The following TET3 variants were observed in gnomAD, a reference collection of about 807,000 sequenced individuals.
TET3 encodes the protein methylcytosine dioxygenase TET3.
A neutral mutation model predicts 141.4 loss-of-function variants in TET3; 19 were observed. That is an observed-to-expected ratio of 0.13 (90% CI 0.09 to 0.20). The LOEUF is 0.20. Ranked by LOEUF, TET3 falls within the 10% of genes least tolerant of loss-of-function variation. TET3 has a pLI of 1.00. For missense variants in TET3, 1,874 were observed against 2,356.9 expected, an observed-to-expected ratio of 0.80 and a Z score of 4.24; for synonymous variants, 1,043 against 980.9, an observed-to-expected ratio of 1.06 and a Z score of -1.18.
chr2:74,112,872 G>A (rs773121255), downstream of TET3, among the ~76,000 whole-genome samples: 14 of 151,760 alleles, frequency 9.2e-5, no homozygotes, highest in Non-Finnish European at 1.5e-4. Context: ...AAGGTGGTGC[G>A]TTCCTGTAAT....
intron 3 of TET3, among the ~76,000 whole-genome samples, chr2:74,020,606 T>G (rs1685983668): frequency 6.6e-6 from 1 of 152,230 alleles, no homozygotes; most frequent in South Asian, 2.1e-4. Context: ...CTCAGGTCCC[T>G]GCCCCCACTG....
chr2:74,043,947 G>A (rs1687478046), intron 3 of TET3, among the ~76,000 whole-genome samples: 1 of 152,082 alleles, frequency 6.6e-6, no homozygotes. Context: ...ATCATTTGAG[G>A]CCAGAAGTTA....
chr2:74,007,694 A>G (rs867703985), intron 3 of TET3, among the ~76,000 whole-genome samples: 25 of 152,268 alleles, frequency 1.6e-4, no homozygotes, highest in Middle Eastern at 3.4e-3. Flanking sequence ...GTCATTAGCC[A>G]TGGGGAGGTC....
At chr2:74,051,193 C>A (rs1342698874) in intron 4 of TET3, among the ~76,000 whole-genome samples, 1 of 152,192 alleles carries the variant, frequency 6.6e-6, no homozygotes, top group Non-Finnish European at 1.5e-5. Context: ...CTCTGTTCTC[C>A]TGCATTCCTC....
Position 74,058,480 on chromosome 2 carries a change from G to A in TET3, c.2494+10069G>A, listed in dbSNP as rs375238612. 3.8e-4 allele frequency among the ~76,000 whole-genome samples: 58 copies of A among 150,906 alleles called. No individual in the cohort carries two copies. The South Asian group carries it at 0.011, about 28-fold the overall frequency. The stretch of plus-strand genomic sequence containing the variant: ...GGGAAATTTGACAAATAACAATGCC[G>A]ATTAACTTATTAAATTTCAAGGGTG... On this transcript the variant is annotated intron_variant, in intron 4 of 11. Transcript: ENST00000409262.
intron 6 of TET3, among the ~76,000 whole-genome samples, chr2:74,081,442 TG>T (rs1689818600): frequency 1.3e-5 from 2 of 152,184 alleles, no homozygotes; most frequent in Admixed American, 6.5e-5. Flanking sequence ...TCATGGAGAC[TG>T]GGGTCGTTGA....
chr2:74,059,865 G>A (rs1403012613), intron 4 of TET3, among the ~76,000 whole-genome samples: 2 of 152,098 alleles, frequency 1.3e-5, no homozygotes, highest in African/African-American at 2.4e-5. Context: ...CTGCCCCGTC[G>A]TTCATTCTCA....
At chr2:74,079,176 G>A (rs758143743) in intron 5 of TET3, among the ~76,000 whole-genome samples, 9 of 152,118 alleles carry the variant, frequency 5.9e-5, no homozygotes, top group Non-Finnish European at 1.2e-4. Context: ...GTGAAACCCT[G>A]TCCTTACTAA....
Position 74,103,763 on chromosome 2 carries a change from T to C in TET3, c.*1587T>C, listed in dbSNP as rs146952116. Reference sequence around the variant, plus strand: ...GTTTTTCTTGTGATATTAGCAGAAATGATCTCATGCTAGCCATGTGGATGT... The same window carrying C: ...GTTTTTCTTGTGATATTAGCAGAAACGATCTCATGCTAGCCATGTGGATGT... On this transcript the variant is annotated 3_prime_UTR_variant, in exon 12 of 12. Coordinates refer to ENST00000409262, the MANE Select transcript of TET3 (RefSeq NM_001287491.2). 1 of 153,804 alleles carries C rather than the reference T, an allele frequency of 6.5e-6. No homozygotes were observed. Among genetic ancestry groups the C allele is most frequent in the Non-Finnish European group, 1.5e-5 (1 of 68,038 alleles). 9.5% of individuals were successfully genotyped at this position (153,804 alleles called of 1,614,324 possible). A position where few individuals can be genotyped will look rare whatever the true frequency, so the allele number is the denominator to read the frequency against.
rs1558800120 is a variant in TET3, at chr2:74,102,614, A to G, written c.*438A>G. ...ATTTATTGGATTTTTTAAAAGCGAC[A>G]ATAGTAATGGTAAAGGATGGGCAGG... On this transcript the variant is annotated 3_prime_UTR_variant, in exon 12 of 12. Transcript: ENST00000409262. The G allele has an allele frequency of 6.6e-6, 1 of 152,334 alleles. No individual in the cohort carries two copies. The highest frequency in any genetic ancestry group is 1.5e-5 in the Non-Finnish European group (1 of 68,166). The allele number at this position is 152,334 out of a possible 1,614,324, so 9.4% of individuals were successfully genotyped here.
intron 3 of TET3, among the ~76,000 whole-genome samples, chr2:74,030,609 T>C (rs1686627788): frequency 6.6e-6 from 1 of 152,250 alleles, no homozygotes; most frequent in African/African-American, 2.4e-5. Context: ...CAGATTTATT[T>C]ACTTATTTAT....
At chr2:74,053,878 C>G (rs917457286) in intron 4 of TET3, among the ~76,000 whole-genome samples, 1 of 151,732 alleles carries the variant, frequency 6.6e-6, no homozygotes, top group East Asian at 1.9e-4. Context: ...AACTTCCTAT[C>G]TTTTAAATGT....
Position 74,101,792 on chromosome 2 carries a change from C to T in TET3, c.5004C>T (p.Ala1668=). 6.2e-7 allele frequency: 1 copy of T among 1,613,012 alleles called. No homozygotes were observed. Among genetic ancestry groups the T allele is most frequent in the South Asian group, 1.1e-5 (1 of 91,072 alleles). The stretch of plus-strand genomic sequence containing the variant: ...ACGGCTCCATCCTCATCGAGTGTGC[C>T]CGGCGGGAGCTGCACGCCACCACGC... ...PAHGSILIEC[A]RRELHATTPL... The change falls in exon 12 of 12, where the codon GCC becomes GCT. Residue 1668 remains alanine (A), a synonymous_variant. Transcript: ENST00000409262. This position sits in a 1 kb window ranked among gnomAD's most constrained non-coding sequence, Gnocchi z 8.5.
chr2:74,047,564 T>C lies in TET3; in HGVS notation c.1647T>C (p.Pro549=), dbSNP rs1244178026. ...FLEQVHDTSF[P]APSEPSAPGW... is the part of the protein sequence containing the mutation. The stretch of plus-strand genomic sequence containing the variant: ...AACAGGTGCACGACACCTCCTTCCC[T>C]GCTCCTTCAGAGCCTTCTGCTCCTG... The change falls in exon 4 of 12, where the codon CCT becomes CCC. Residue 549 remains proline (P), a synonymous_variant. Transcript: ENST00000409262. 3.1e-6 allele frequency: 5 copies of C among 1,613,906 alleles called. No individual in the cohort carries two copies. The South Asian group carries it at 4.4e-5, about 14-fold the overall frequency.
intron 4 of TET3, among the ~76,000 whole-genome samples, chr2:74,069,633 C>A (rs1487321743): frequency 1.3e-5 from 2 of 151,494 alleles, no homozygotes; most frequent in African/African-American, 4.9e-5. Context: ...GTCACCCAGG[C>A]AGGAGTGCAG....
chr2:74,109,132 C>T (rs759401417), downstream of TET3, among the ~76,000 whole-genome samples: 6 of 152,168 alleles, frequency 3.9e-5, no homozygotes, highest in South Asian at 2.1e-4. Context: ...CCTTCCTGAG[C>T]GCCTGTCATG....
At position 73,986,301 on chromosome 2, in the gene TET3, C is replaced by T; in HGVS notation, c.-103C>T. ...CCACTTGCCTTCACCCTTGTAGACTCTTGACTGTTCTAGGCGAGAAGGACC... is the reference window on the plus strand; with the variant it reads ...CCACTTGCCTTCACCCTTGTAGACTTTTGACTGTTCTAGGCGAGAAGGACC... On this transcript the variant is annotated 5_prime_UTR_variant, in exon 2 of 12. Transcript: ENST00000409262. 9.1e-7 allele frequency: 1 copy of T among 1,096,004 alleles called. No individual in the cohort carries two copies. Among genetic ancestry groups the T allele is most frequent in the Non-Finnish European group, 1.2e-6 (1 of 864,730 alleles). The allele number at this position is 1,096,004 out of a possible 1,614,324, so 67.9% of individuals were successfully genotyped here.
rs1460321698 is a variant in TET3 at position 74,105,686 on chromosome 2, T to A, written c.*3510T>A. ...AACAGTAGTTTGCAGAGCAAGGGAT[T>A]TTTAAAGCGCTAAAGCAAGGAAAGA... On this transcript the variant is annotated 3_prime_UTR_variant, in exon 12 of 12. Coordinates refer to ENST00000409262, the MANE Select transcript of TET3 (RefSeq NM_001287491.2). The A allele has an allele frequency of 9.3e-6, 2 of 216,174 alleles. No individual in the cohort carries two copies. Among genetic ancestry groups the A allele is most frequent in the Non-Finnish European group, 1.6e-5 (2 of 127,988 alleles). The allele number at this position is 216,174 out of a possible 1,614,324, so 13.4% of individuals were successfully genotyped here.
the TET3 span, among the ~76,000 whole-genome samples, chr2:74,129,451 G>A: frequency 6.7e-6 from 1 of 150,130 alleles, no homozygotes; most frequent in African/African-American, 2.5e-5. Flanking sequence ...TGGCCAACAT[G>A]GTGAAACCTC....
Sources: allele counts gnomAD v4.1 joint callset (sites outside exome capture counted in the v4.1 genomes callset), GRCh38; gene constraint gnomAD v4.1.1; non-coding constraint Gnocchi (gnomAD v3.1); transcripts MANE v1.5; gene names NCBI Gene and HGNC (gene_info 2026-07-23, HGNC 2026-07-21).